CAPN13: variants seen among roughly 807,000 people sequenced by gnomAD.
The protein encoded by CAPN13 is calpain-13.
Under a neutral mutation model 98.4 loss-of-function variants are expected in CAPN13, and 90 were observed. The ratio of observed to expected loss-of-function variants is 0.92; its 90% CI spans 0.77 to 1.09. The LOEUF (loss-of-function observed/expected upper bound fraction) is 1.09, where lower values mean the gene tolerates loss of function less well. CAPN13 is among the 50% of genes least tolerant of loss of function. The pLI is 0.00. For missense variants in CAPN13, 887 were observed against 841.3 expected (o/e 1.05, Z -0.67); for synonymous variants, 330 against 305.5 (o/e 1.08, Z -0.84).
At chr2:30,778,382 A>G (rs1033643467) in intron 2 of CAPN13, among the ~76,000 whole-genome samples, 1 of 152,232 alleles carries the variant, frequency 6.6e-6, no homozygotes, top group Non-Finnish European at 1.5e-5. Context: ...GGGGATCCCC[A>G]GGCACTTTGG....
chr2:30,764,107 G>T (rs1385080637), intron 6 of CAPN13, 25 bp downstream of exon 6: 56 of 1,549,464 alleles, frequency 3.6e-5, no homozygotes, highest in Non-Finnish European at 4.9e-5. Flanking sequence ...TTGAACTGGT[G>T]CAAAAGGGCT....
Position 30,731,354 on chromosome 2 carries a change from G to A in CAPN13, c.1973C>T (p.Thr658Ile). Residue 658 changes from threonine (T) to isoleucine (I), a missense_variant, in exon 21 of 23, where the codon ACA (threonine) becomes ATA (isoleucine). Physicochemically the swap from Thr to Ile is moderately conservative, Grantham distance 89. Coordinates refer to ENST00000295055, the MANE Select transcript of CAPN13 (RefSeq NM_144575.3). The stretch of plus-strand genomic sequence containing the variant: ...GGGAAGGTACCTCACCTCCATTTCT[G>A]TCAGGTAGAGTCCTTTTCCATCCTT... The part of the protein sequence containing the change: ...LSKDGKGLYL[T>I]EMEWMSLVMY... The A allele has an allele frequency of 6.2e-7, 1 of 1,610,534 alleles. No individual in the cohort carries two copies. Among genetic ancestry groups the A allele is most frequent in the South Asian group, 1.1e-5 (1 of 90,462 alleles).
In CAPN13 at chr2:30,791,882, TG is replaced by T. The variant is rs1182770901; in HGVS notation, c.-32-4526del. Among the ~76,000 whole-genome samples the T allele has an allele frequency of 2.6e-5, 4 of 152,236 alleles. No homozygotes were observed. The South Asian group carries it at 8.3e-4, about 31-fold the overall frequency. ...GACTCTAATCTTGTCCTAACCTGCT[TG>T]TATTTCTCTCTCTCAGAAATAAATA... On this transcript the variant is annotated intron_variant, in intron 1 of 22. Transcript: ENST00000295055.
chr2:30,803,655 A>T (rs771771424), intron 1 of CAPN13, among the ~76,000 whole-genome samples: 1 of 152,236 alleles, frequency 6.6e-6, no homozygotes, highest in Non-Finnish European at 1.5e-5. Flanking sequence ...ACCGTGGGAC[A>T]TGGTACACGT....
chr2:30,803,177 T>C (rs980214668), intron 1 of CAPN13, among the ~76,000 whole-genome samples: 11 of 151,866 alleles, frequency 7.2e-5, no homozygotes, highest in African/African-American at 2.2e-4. Context: ...AGGATTAGAG[T>C]GGGGAGAAAA....
chr2:30,745,133 C>T, intron 12 of CAPN13: 1 of 460,874 alleles, frequency 2.2e-6, no homozygotes, highest in Non-Finnish European at 4.5e-6. Context: ...CTTGGTGGCT[C>T]AGCACTCTCA....
chr2:30,738,385 T>A lies in CAPN13; in HGVS notation c.1594+15A>T. 1 of 1,610,230 alleles carries A rather than the reference T, an allele frequency of 6.2e-7. No individual in the cohort carries two copies. Among genetic ancestry groups the A allele is most frequent in the Non-Finnish European group, 8.5e-7 (1 of 1,178,086 alleles). ...GGAGGAGGATGGGGCCAGCTTGCCC[T>A]TGGGCTGCTCATACCTGTTAGAAGC... On this transcript the variant is annotated intron_variant, in intron 16 of 22. Transcript: ENST00000295055.
intron 15 of CAPN13, chr2:30,741,696 G>A: frequency 2.8e-6 from 4 of 1,405,398 alleles, no homozygotes; most frequent in Non-Finnish European, 1.9e-6. Flanking sequence ...CCAGCTTGAA[G>A]TCCCCCGGAT....
chr2:30,757,850 C>G (rs1181525527), intron 8 of CAPN13, among the ~76,000 whole-genome samples, 196 bp downstream of exon 8: 10 of 152,226 alleles, frequency 6.6e-5, no homozygotes, highest in African/African-American at 2.4e-4. Context: ...AGGGTGTACA[C>G]AGTAGGTGCC....
chr2:30,771,424 A>T (rs1394706313), intron 4 of CAPN13, among the ~76,000 whole-genome samples: 1 of 152,192 alleles, frequency 6.6e-6, no homozygotes, highest in African/African-American at 2.4e-5. Flanking sequence ...GCAATTTCAG[A>T]GCAGAGATGG....
chr2:30,726,739 A>T (rs901346495), intron 22 of CAPN13, among the ~76,000 whole-genome samples: 1 of 152,154 alleles, frequency 6.6e-6, no homozygotes, highest in Non-Finnish European at 1.5e-5. Flanking sequence ...AAAAATGAAG[A>T]GACGCATGGA....
At chr2:30,797,325 G>C (rs534874644) in intron 1 of CAPN13, among the ~76,000 whole-genome samples, 40 of 152,148 alleles carry the variant, frequency 2.6e-4, no homozygotes, top group Non-Finnish European at 5.3e-4. Flanking sequence ...ACTGAACTCT[G>C]CCTTGTGTCT....
intron 7 of CAPN13, among the ~76,000 whole-genome samples, chr2:30,760,323 T>C (rs962198602): frequency 6.6e-6 from 1 of 152,196 alleles, no homozygotes; most frequent in South Asian, 2.1e-4. Flanking sequence ...TATTGTTAAC[T>C]GCCAGCACCT....
At chr2:30,780,372 C>T (rs928926927) in intron 2 of CAPN13, among the ~76,000 whole-genome samples, 2 of 152,222 alleles carry the variant, frequency 1.3e-5, no homozygotes, top group South Asian at 2.1e-4. Context: ...TTGTTATCAT[C>T]GTATAGTATT....
chr2:30,803,667 C>T (rs1675429834), intron 1 of CAPN13, among the ~76,000 whole-genome samples: 1 of 152,176 alleles, frequency 6.6e-6, no homozygotes, highest in African/African-American at 2.4e-5. Context: ...GGTACACGTC[C>T]CATCTCATGT....
At chr2:30,805,686 C>T (rs2148125657) in intron 1 of CAPN13, among the ~76,000 whole-genome samples, 1 of 150,940 alleles carries the variant, frequency 6.6e-6, no homozygotes, top group South Asian at 2.1e-4. Context: ...CACAGCTCAC[C>T]ATATGGAAGC....
chr2:30,723,686 G>GT (rs34603139), intron 22 of CAPN13, among the ~76,000 whole-genome samples: 1 of 152,136 alleles, frequency 6.6e-6, no homozygotes, highest in Non-Finnish European at 1.5e-5. Flanking sequence ...CAGAGGAGTG[G>GT]TTTTTCTCAA....
At chr2:30,749,361 T>C (rs569687200) in intron 11 of CAPN13, among the ~76,000 whole-genome samples, 1 of 152,310 alleles carries the variant, frequency 6.6e-6, no homozygotes, top group African/African-American at 2.4e-5. Flanking sequence ...GTCCAAAGCA[T>C]TTCTGATTAG....
intron 1 of CAPN13, among the ~76,000 whole-genome samples, chr2:30,798,193 A>G (rs1340411782): frequency 1.3e-5 from 2 of 152,224 alleles, no homozygotes; most frequent in Non-Finnish European, 2.9e-5. Context: ...ATTTTTATTC[A>G]ATTTTAAATA....
Sources: gnomAD v4.1 joint callset for allele counts (sites outside exome capture counted in the v4.1 genomes callset) on GRCh38, gnomAD v4.1.1 for gene constraint, MANE v1.5 for transcripts, NCBI Gene and HGNC (gene_info 2026-07-23, HGNC 2026-07-21) for gene names.